The following RPGRIP1L variants were observed in gnomAD, a reference collection of about 807,000 sequenced individuals.
RPGRIP1L encodes protein fantom.
RPGRIP1L carries 131 observed loss-of-function variants against 160.4 expected under a neutral mutation model. That is an observed-to-expected ratio of 0.82 (90% CI 0.71 to 0.94). The LOEUF is 0.94. Among genes scored for constraint, RPGRIP1L ranks in the 40% least tolerant of loss-of-function variants. The pLI is 0.00. For synonymous variants in RPGRIP1L, 510 were observed against 515.8 expected, an observed-to-expected ratio of 0.99 and a Z score of 0.15; for missense variants, 1,522 against 1,535.8, an observed-to-expected ratio of 0.99 and a Z score of 0.15.
chr16:53,630,527 A>G (rs1965453423), intron 22 of RPGRIP1L, among the ~76,000 whole-genome samples: 1 of 152,170 alleles, frequency 6.6e-6, no homozygotes, highest in African/African-American at 2.4e-5. Flanking sequence ...GGGTCCATCA[A>G]AAGGGGCTTA....
chr16:53,603,710 T>TGTGTG (rs1963507533), intron 26 of RPGRIP1L, among the ~76,000 whole-genome samples: 2 of 112,344 alleles, frequency 1.8e-5, no homozygotes, highest in East Asian at 5.9e-4. Flanking sequence ...GTGTGTGTGT[T>TGTGTG]TAATTCCAAG....
chr16:53,642,213 C>T (rs889392966), intron 17 of RPGRIP1L, among the ~76,000 whole-genome samples: 1 of 151,368 alleles, frequency 6.6e-6, no homozygotes, highest in African/African-American at 2.4e-5. Flanking sequence ...GACAGGTTCT[C>T]ACTACGTTGC....
At position 53,603,752 on chromosome 16, in the gene RPGRIP1L, C is replaced by G. The variant is rs1222398044; in HGVS notation, c.3836-1564G>C. ...TGTTAGAAAGCCTTAAAACTTGATA[C>G]ACAAAGAGTTAGGTGCAGAAACTGA... On this transcript the variant is annotated intron_variant, in intron 26 of 26. Coordinates refer to ENST00000647211, the MANE Select transcript of RPGRIP1L (RefSeq NM_015272.5). Among the ~76,000 whole-genome samples the G allele has an allele frequency of 2.0e-5, 3 of 151,494 alleles. No individual in the cohort carries two copies. In the East Asian group the frequency reaches 5.8e-4, roughly 30 times the overall value.
chr16:53,653,570 G>A lies in RPGRIP1L; in HGVS notation c.1700-583C>T, dbSNP rs145257021. On this transcript the variant is annotated intron_variant, in intron 14 of 26. Transcript: ENST00000647211. ...CAATTAATTGCTAGACGCAATGAAC[G>A]CTGGTCCTTGTATTACTTGATTTCT... 516 of 153,918 alleles carry A rather than the reference G, an allele frequency of 3.4e-3. 7 individuals carry two copies. Among genetic ancestry groups the A allele is most frequent in the Non-Finnish European group, 1.8e-3 (127 of 69,458 alleles). The allele number at this position is 153,918 out of a possible 1,614,324, so 9.5% of individuals were successfully genotyped here.
At chr16:53,652,368 C>T (rs767914278) in intron 15 of RPGRIP1L, among the ~76,000 whole-genome samples, 167 bp downstream of exon 15, 5 of 152,136 alleles carry the variant, frequency 3.3e-5, no homozygotes, top group South Asian at 2.1e-4. Context: ...CCACTGTGCT[C>T]GGCATCAGTG....
At chr16:53,656,710 T>C (rs1967289045) in intron 13 of RPGRIP1L, 121 bp from the exon 14 acceptor site, 1 of 765,136 alleles carries the variant, frequency 1.3e-6, no homozygotes, top group East Asian at 2.6e-5. Flanking sequence ...GAACCATGGT[T>C]TCCTGACCTC....
intron 10 of RPGRIP1L, among the ~76,000 whole-genome samples, chr16:53,660,611 T>C (rs1383760528): frequency 6.6e-6 from 1 of 151,766 alleles, no homozygotes; most frequent in East Asian, 1.9e-4. Flanking sequence ...ACATTTTACA[T>C]CAAGGCTGGC....
chr16:53,682,427 C>G (rs1254441073), intron 6 of RPGRIP1L, among the ~76,000 whole-genome samples: 4 of 152,072 alleles, frequency 2.6e-5, no homozygotes. Context: ...AAAGTATGTA[C>G]CCTTGTCTAT....
chr16:53,702,448 C>T (rs1181765771), intron 1 of RPGRIP1L, among the ~76,000 whole-genome samples: 11 of 152,174 alleles, frequency 7.2e-5, no homozygotes, highest in Admixed American at 7.2e-4. Context: ...AAACCCTGCA[C>T]AATGCTGCAA....
intron 23 of RPGRIP1L, among the ~76,000 whole-genome samples, 170 bp downstream of exon 23, chr16:53,622,046 AAAG>A (rs1964757303): frequency 1.4e-5 from 2 of 145,488 alleles, no homozygotes; most frequent in South Asian, 4.4e-4. Flanking sequence ...AAAAAAAAAA[AAAG>A]TTCAACTAGA....
intron 4 of RPGRIP1L, among the ~76,000 whole-genome samples, chr16:53,690,542 C>A (rs1303366390): frequency 6.6e-6 from 1 of 152,168 alleles, no homozygotes; most frequent in Non-Finnish European, 1.5e-5. Flanking sequence ...GTCGCCCAGG[C>A]TAGACTCAAA....
At chr16:53,666,091 A>T (rs906411160) in intron 9 of RPGRIP1L, among the ~76,000 whole-genome samples, 2 of 152,208 alleles carry the variant, frequency 1.3e-5, no homozygotes, top group Non-Finnish European at 1.5e-5. Flanking sequence ...TGATGAAGTA[A>T]ATGGAAAAGA....
intron 15 of RPGRIP1L, among the ~76,000 whole-genome samples, 168 bp from the exon 16 acceptor site, chr16:53,649,283 T>C (rs993928424): frequency 1.3e-5 from 2 of 151,592 alleles, no homozygotes; most frequent in Non-Finnish European, 2.9e-5. Context: ...ATGAAGAAAA[T>C]AGTTACTTCT....
chr16:53,657,342 T>C lies in RPGRIP1L; in HGVS notation c.1581+111A>G, dbSNP rs1967347304. ...ACATTCCAGAGATGTGATATGTTAGTAGATTACAATAGATGTTAATAGATA... is the reference window on the plus strand; with the variant it reads ...ACATTCCAGAGATGTGATATGTTAGCAGATTACAATAGATGTTAATAGATA... On this transcript the variant is annotated intron_variant, in intron 13 of 26. Coordinates refer to ENST00000647211, the MANE Select transcript of RPGRIP1L (RefSeq NM_015272.5). The C allele has an allele frequency of 4.2e-5, 30 of 707,924 alleles. 2 individuals are homozygous for C. The South Asian group carries it at 5.0e-4, about 12-fold the overall frequency. The allele number at this position is 707,924 out of a possible 1,614,324, so 43.9% of individuals were successfully genotyped here.
At chr16:53,622,756 A>G (rs1330292553) in intron 22 of RPGRIP1L, among the ~76,000 whole-genome samples, 2 of 151,456 alleles carry the variant, frequency 1.3e-5, no homozygotes, top group Non-Finnish European at 2.9e-5. Flanking sequence ...CCTGAGCAAC[A>G]TGGTGAAAAC....
intron 2 of RPGRIP1L, among the ~76,000 whole-genome samples, chr16:53,698,733 C>T (rs1379662097): frequency 1.4e-5 from 2 of 147,306 alleles, no homozygotes; most frequent in Non-Finnish European, 3.0e-5. Flanking sequence ...GTCAGCACCC[C>T]GCCCGGCCAG....
In RPGRIP1L at chr16:53,652,597, T is replaced by C. The variant is rs1396387199; in HGVS notation, c.2090A>G (p.Gln697Arg). 3 of 1,614,048 alleles carry C rather than the reference T, an allele frequency of 1.9e-6. No homozygotes were observed. In the South Asian group the frequency reaches 3.3e-5, roughly 18 times the overall value. ...TTCAAGAATTTCGTGAAATTTTAAT[T>C]GACATGCTGCAATTGTTTCATATTC... ...STEYETIAAC[Q>R]LKFHEILEKS... is the part of the protein sequence containing the mutation. The change falls in exon 15 of 27, where the codon CAA becomes CGA. Residue 697 changes from glutamine to arginine, a missense_variant. By Grantham distance (43) the Gln-to-Arg change is conservative. Transcript: ENST00000647211.
At chr16:53,698,766 G>C (rs1375443304) in intron 2 of RPGRIP1L, among the ~76,000 whole-genome samples, 1 of 148,368 alleles carries the variant, frequency 6.7e-6, no homozygotes, top group Non-Finnish European at 1.5e-5. Flanking sequence ...GGAGGGAGGT[G>C]GGGGGGTCAG....
In RPGRIP1L at chr16:53,692,308, C is replaced by A; in HGVS notation, c.287G>T (p.Gly96Val). The A allele has an allele frequency of 6.2e-7, 1 of 1,614,140 alleles. No individual in the cohort carries two copies. The highest frequency in any genetic ancestry group is 1.1e-5 in the South Asian group (1 of 91,082). Residue 96 changes from glycine (G) to valine (V), a missense_variant, in exon 4 of 27, where the codon GGT becomes GTT. By Grantham distance (109) the Gly-to-Val change is moderately radical. Transcript: ENST00000647211. ...TCGTCCCAGCCGCTTGGGGCCGCCA[C>A]CAACCCGCTCATATCTTTTCTTGTC... Reference protein sequence around the residue: ...VNDKKRYERVGGGPKRLGRDV... With the variant: ...VNDKKRYERVVGGPKRLGRDV...
Sources: allele counts gnomAD v4.1 joint callset (sites outside exome capture counted in the v4.1 genomes callset), GRCh38; gene constraint gnomAD v4.1.1; transcripts MANE v1.5; gene names NCBI Gene and HGNC (gene_info 2026-07-23, HGNC 2026-07-21).